RHOBTB3: variants seen among roughly 807,000 people sequenced by gnomAD.
RHOBTB3 encodes the protein Rho related BTB domain containing 3.
In RHOBTB3, 47 loss-of-function variants were observed where a neutral mutation model predicts 67.2. The observed-to-expected ratio is 0.70, with a 90% confidence interval of 0.55 to 0.89. RHOBTB3 has a LOEUF of 0.89. Among genes scored for constraint, RHOBTB3 ranks in the 40% least tolerant of loss-of-function variants. The pLI, the probability that RHOBTB3 is intolerant of heterozygous loss-of-function variation, is 0.00. For synonymous variants in RHOBTB3, 273 were observed against 274.2 expected, an observed-to-expected ratio of 1.00 and a Z score of 0.04; for missense variants, 631 against 750.0, an observed-to-expected ratio of 0.84 and a Z score of 1.85.
intron 8 of RHOBTB3, chr5:95,769,572 G>A (rs1031132693): frequency 5.8e-6 from 1 of 172,894 alleles, no homozygotes; most frequent in African/African-American, 2.4e-5. Flanking sequence ...GCAGTGAAAA[G>A]GGTTGTCATC....
intron 8 of RHOBTB3, among the ~76,000 whole-genome samples, chr5:95,770,993 C>T (rs1292020087): frequency 6.6e-6 from 1 of 151,888 alleles, no homozygotes; most frequent in Non-Finnish European, 1.5e-5. Flanking sequence ...TACCCATGTA[C>T]TGCTTTAAGC....
At chr5:95,725,054 A>G (rs1048653424) in intron 1 of RHOBTB3, among the ~76,000 whole-genome samples, 1 of 152,048 alleles carries the variant, frequency 6.6e-6, no homozygotes, top group African/African-American at 2.4e-5. Context: ...TACACATGCC[A>G]TGTGACCTAG....
chr5:95,736,364 G>T (rs1755455035), intron 2 of RHOBTB3, among the ~76,000 whole-genome samples: 1 of 152,082 alleles, frequency 6.6e-6, no homozygotes, highest in Non-Finnish European at 1.5e-5. Flanking sequence ...ATACAGTACT[G>T]TCCAAAGGAT....
At chr5:95,792,031 T>C (rs1746412717) in intron 11 of RHOBTB3, among the ~76,000 whole-genome samples, 1 of 151,960 alleles carries the variant, frequency 6.6e-6, no homozygotes, top group African/African-American at 2.4e-5. Context: ...ACCTAGAGAA[T>C]GAACAAAGCG....
intron 1 of RHOBTB3, among the ~76,000 whole-genome samples, chr5:95,720,103 A>T (rs1754823620): frequency 6.6e-6 from 1 of 152,206 alleles, no homozygotes; most frequent in Admixed American, 6.5e-5. Context: ...TAGTTTACAC[A>T]TTGGCCTCTT....
At chr5:95,791,677 T>C (rs1334944138) in intron 11 of RHOBTB3, among the ~76,000 whole-genome samples, 3 of 152,130 alleles carry the variant, frequency 2.0e-5, no homozygotes, top group Non-Finnish European at 2.9e-5. Flanking sequence ...ATTATAGGCA[T>C]GTGCCGCCAC....
chr5:95,757,408 G>A (rs1745278862), intron 6 of RHOBTB3, among the ~76,000 whole-genome samples: 1 of 152,164 alleles, frequency 6.6e-6, no homozygotes, highest in Admixed American at 6.5e-5. Context: ...GGTCACTCCT[G>A]CTCTGCAGTG....
At chr5:95,741,980 A>G (rs1580399303) in intron 3 of RHOBTB3, among the ~76,000 whole-genome samples, 1 of 152,298 alleles carries the variant, frequency 6.6e-6, no homozygotes, top group Admixed American at 6.5e-5. Context: ...ACATTGCTCC[A>G]TATTTGCTTG....
chr5:95,743,859 C>T (rs547740588), intron 3 of RHOBTB3, among the ~76,000 whole-genome samples: 4 of 152,032 alleles, frequency 2.6e-5, no homozygotes, highest in Non-Finnish European at 2.9e-5. Flanking sequence ...TAGGTATGAA[C>T]CACCATGCCT....
intron 1 of RHOBTB3, among the ~76,000 whole-genome samples, chr5:95,721,307 C>A (rs990103776): frequency 2.6e-5 from 4 of 152,210 alleles, no homozygotes; most frequent in Admixed American, 2.0e-4. Flanking sequence ...CTTATCACAT[C>A]ACTGAGAAAG....
intron 8 of RHOBTB3, among the ~76,000 whole-genome samples, chr5:95,772,812 T>C (rs1745754548): frequency 6.6e-6 from 1 of 152,210 alleles, no homozygotes; most frequent in Non-Finnish European, 1.5e-5. Context: ...GAAGCATAAA[T>C]GTGCTTGAAG....
chr5:95,756,821 A>G (rs1289748599), intron 6 of RHOBTB3, among the ~76,000 whole-genome samples: 1 of 152,236 alleles, frequency 6.6e-6, no homozygotes, highest in African/African-American at 2.4e-5. Flanking sequence ...TGTAAAAACC[A>G]TAATCTGCCA....
Position 95,795,672 on chromosome 5 carries a change from A to G in RHOBTB3, c.*2498A>G, listed in dbSNP as rs184902304. 6.6e-6 allele frequency: 1 copy of G among 152,338 alleles called. No homozygotes were observed. The highest frequency in any genetic ancestry group is 1.9e-4 in the East Asian group (1 of 5,184). The allele number at this position is 152,338 out of a possible 1,614,324, so 9.4% of individuals were successfully genotyped here. ...ACATCCAGATGTCACAGCTCTCCAGAGCTAGTCAGAAGAGAAATCAAATTA... is the reference window on the plus strand; with the variant it reads ...ACATCCAGATGTCACAGCTCTCCAGGGCTAGTCAGAAGAGAAATCAAATTA... On this transcript the variant is annotated 3_prime_UTR_variant, in exon 12 of 12. Coordinates refer to ENST00000379982, the MANE Select transcript of RHOBTB3 (RefSeq NM_014899.4).
At chr5:95,770,016 G>GGGGTA in intron 8 of RHOBTB3, 1 of 390,974 alleles carries the variant, frequency 2.6e-6, no homozygotes, top group Non-Finnish European at 5.1e-6. Flanking sequence ...TTTGGAGAAG[G>GGGGTA]GGGTAGGCCT....
At chr5:95,723,600 A>C (rs1754960289) in intron 1 of RHOBTB3, among the ~76,000 whole-genome samples, 1 of 152,222 alleles carries the variant, frequency 6.6e-6, no homozygotes, top group African/African-American at 2.4e-5. Flanking sequence ...AATTTTGTGT[A>C]AATTTGCACA....
chr5:95,759,364 C>A (rs1234407546), intron 6 of RHOBTB3, among the ~76,000 whole-genome samples: 5 of 152,178 alleles, frequency 3.3e-5, no homozygotes, highest in Admixed American at 1.3e-4. Flanking sequence ...ATTTATTATT[C>A]TTTAATTATT....
intron 8 of RHOBTB3, among the ~76,000 whole-genome samples, chr5:95,774,633 C>T (rs1745814373): frequency 6.6e-6 from 1 of 152,132 alleles, no homozygotes; most frequent in Non-Finnish European, 1.5e-5. Flanking sequence ...TGTAAGACAT[C>T]ATAAATGCTA....
At chr5:95,731,723 G>T (rs1362070348) in intron 1 of RHOBTB3, 39 bp downstream of exon 1, 2 of 1,612,964 alleles carry the variant, frequency 1.2e-6, no homozygotes, top group East Asian at 4.5e-5. Context: ...TCTCTCTCCA[G>T]CGCGTGCCGT....
chr5:95,736,080 C>T (rs1236832365), intron 2 of RHOBTB3, among the ~76,000 whole-genome samples: 1 of 151,628 alleles, frequency 6.6e-6, no homozygotes, highest in East Asian at 1.9e-4. Context: ...CCATGCTGGT[C>T]GACAGAAAAA....
Sources: allele counts gnomAD v4.1 joint callset (sites outside exome capture counted in the v4.1 genomes callset), GRCh38; gene constraint gnomAD v4.1.1; transcripts MANE v1.5; gene names NCBI Gene and HGNC (gene_info 2026-07-23, HGNC 2026-07-21).